Variants in TTLL11 observed in about 807,000 individuals in gnomAD.
The protein encoded by TTLL11 is tubulin polyglutamylase TTLL11.
A neutral mutation model predicts 51.7 loss-of-function variants in TTLL11; 42 were observed. That is an observed-to-expected ratio of 0.81 (90% CI 0.64 to 1.05). The LOEUF is 1.05. TTLL11 is among the 50% of genes least tolerant of loss of function. TTLL11 has a pLI of 0.00. For synonymous variants in TTLL11, 381 were observed against 383.5 expected (o/e 0.99, Z 0.08); for missense variants, 799 against 940.4 (o/e 0.85, Z 1.97).
At chr9:121,848,220 A>G (rs911360070) in intron 8 of TTLL11, among the ~76,000 whole-genome samples, 9 of 152,016 alleles carry the variant, frequency 5.9e-5, no homozygotes, top group African/African-American at 1.7e-4. Flanking sequence ...GGAAAAAAAA[A>G]GAAAAAAAAA....
At chr9:122,056,512 G>A (rs1484524694) in intron 1 of TTLL11, among the ~76,000 whole-genome samples, 1 of 152,132 alleles carries the variant, frequency 6.6e-6, no homozygotes, top group East Asian at 1.9e-4. Flanking sequence ...TCTAGTAAGT[G>A]GCAGAACAAG....
chr9:122,049,807 A>G (rs1845110670), intron 1 of TTLL11, among the ~76,000 whole-genome samples: 2 of 152,220 alleles, frequency 1.3e-5, no homozygotes, highest in Non-Finnish European at 2.9e-5. Context: ...TGATGAAAGC[A>G]CAGTTCACAT....
intron 8 of TTLL11, among the ~76,000 whole-genome samples, chr9:121,824,180 G>A (rs1836674304): frequency 6.6e-6 from 1 of 152,224 alleles, no homozygotes; most frequent in African/African-American, 2.4e-5. Flanking sequence ...CCATCTTACA[G>A]ATTAAGAAAC....
chr9:122,032,109 G>C (rs1588222110), intron 2 of TTLL11, among the ~76,000 whole-genome samples: 1 of 152,240 alleles, frequency 6.6e-6, no homozygotes, highest in South Asian at 2.1e-4. Context: ...TTGAAGGAAT[G>C]AGTTTTCACC....
At chr9:122,037,797 G>A (rs895609187) in intron 2 of TTLL11, among the ~76,000 whole-genome samples, 4 of 152,130 alleles carry the variant, frequency 2.6e-5, no homozygotes, top group East Asian at 1.9e-4. Flanking sequence ...CCAGCAAGCC[G>A]TGTTTCCTGC....
At chr9:121,943,923 A>G (rs915008691) in intron 6 of TTLL11, among the ~76,000 whole-genome samples, 8 of 152,212 alleles carry the variant, frequency 5.3e-5, no homozygotes, top group Non-Finnish European at 1.2e-4. Flanking sequence ...ATTCTATAAG[A>G]CTGCCCATTT....
chr9:122,000,167 C>T (rs1454779130), intron 3 of TTLL11, among the ~76,000 whole-genome samples: 2 of 152,112 alleles, frequency 1.3e-5, no homozygotes, highest in East Asian at 3.9e-4. Context: ...GCACAATATA[C>T]AGGTCATAAA....
rs562597721 is a variant in TTLL11 at position 121,887,061 on chromosome 9, C to T, written c.1482-16313G>A. ...CCAGACCAGGATGATGAGCCTGTCA[C>T]GGTGGGTTTCACAAAACATCTGTTT... is the stretch of plus-strand genomic sequence containing the variant. On this transcript the variant is annotated intron_variant, in intron 6 of 8. Transcript: ENST00000321582. 4.6e-5 allele frequency among the ~76,000 whole-genome samples: 7 copies of T among 152,236 alleles called. No individual in the cohort carries two copies. The South Asian group carries it at 1.2e-3, about 27-fold the overall frequency.
rs1245093976 is a variant in TTLL11 at position 121,891,348 on chromosome 9, C to T, written c.1482-20600G>A. The stretch of plus-strand genomic sequence containing the variant: ...TTGCCCGAGGATCAGAGATCACATA[C>T]GATATGTACAACATCTGCCACCGTG... On this transcript the variant is annotated intron_variant, in intron 6 of 8. Coordinates refer to ENST00000321582, the MANE Select transcript of TTLL11 (RefSeq NM_001139442.2). Among the ~76,000 whole-genome samples, 7 of 152,326 alleles carry T rather than the reference C, an allele frequency of 4.6e-5. No individual in the cohort carries two copies. The East Asian group carries it at 5.8e-4, about 13-fold the overall frequency.
chr9:122,076,152 C>T lies in TTLL11; in HGVS notation c.462+16535G>A, dbSNP rs1006144269. On this transcript the variant is annotated intron_variant, in intron 1 of 8. Coordinates refer to ENST00000321582, the MANE Select transcript of TTLL11 (RefSeq NM_001139442.2). Reference sequence around the variant, plus strand: ...TCTTCCCCATCCACCACCATTCTGTCTGTCCCAGGGCCAACACCTCTCTCC... The same window carrying T: ...TCTTCCCCATCCACCACCATTCTGTTTGTCCCAGGGCCAACACCTCTCTCC... Among the ~76,000 whole-genome samples, 3 of 152,202 alleles carry T rather than the reference C, an allele frequency of 2.0e-5. No individual in the cohort carries two copies. The East Asian group carries it at 5.8e-4, about 29-fold the overall frequency.
chr9:121,825,276 T>A (rs1836716671), intron 8 of TTLL11, among the ~76,000 whole-genome samples: 1 of 152,012 alleles, frequency 6.6e-6, no homozygotes. Flanking sequence ...GTGAGAAGAT[T>A]AGGATCTAAG....
At chr9:122,026,019 C>T (rs1844322889) in intron 3 of TTLL11, among the ~76,000 whole-genome samples, 1 of 152,100 alleles carries the variant, frequency 6.6e-6, no homozygotes, top group Non-Finnish European at 1.5e-5. Context: ...GAAGCCAGAC[C>T]TCCCCCGAAA....
In TTLL11 at chr9:121,862,239, A is replaced by T. The variant is rs140572464; in HGVS notation, c.1734-1796T>A. 8.1e-4 allele frequency among the ~76,000 whole-genome samples: 123 copies of T among 151,824 alleles called. 2 individuals are homozygous for T. The East Asian group carries it at 0.021, about 26-fold the overall frequency. The stretch of plus-strand genomic sequence containing the variant: ...AGTCTGGTATGCCAAAAAGAGCATG[A>T]TTTAGGCATCAGACAGATTAGGATT... On this transcript the variant is annotated intron_variant, in intron 7 of 8. Coordinates refer to ENST00000321582, the MANE Select transcript of TTLL11 (RefSeq NM_001139442.2).
intron 2 of TTLL11, among the ~76,000 whole-genome samples, chr9:122,038,337 C>T (rs1844757078): frequency 6.6e-6 from 1 of 152,108 alleles, no homozygotes; most frequent in Non-Finnish European, 1.5e-5. Flanking sequence ...ATATCCTCTT[C>T]ATTCAGCCAT....
At chr9:122,010,033 T>G (rs1588202286) in intron 3 of TTLL11, among the ~76,000 whole-genome samples, 1 of 152,328 alleles carries the variant, frequency 6.6e-6, no homozygotes, top group East Asian at 1.9e-4. Context: ...ACGTGGTCAT[T>G]AAACCTGTAT....
rs1002006836 is a variant in TTLL11, at chr9:121,995,911, G to A, written c.694-6141C>T. ...TATCCGAACAGACCTCTCAAGCTCC[G>A]TGGTGAGCGCGGGAACCACGGGCCC... On this transcript the variant is annotated intron_variant, in intron 3 of 8. Coordinates refer to ENST00000321582, the MANE Select transcript of TTLL11 (RefSeq NM_001139442.2). The surrounding 1 kb of genome is among the most constrained non-coding windows in gnomAD (Gnocchi z 4.4). Among the ~76,000 whole-genome samples the A allele has an allele frequency of 2.0e-5, 3 of 152,202 alleles. No individual in the cohort carries two copies. Among genetic ancestry groups the A allele is most frequent in the African/African-American group, 4.8e-5 (2 of 41,440 alleles).
At position 121,815,923 on chromosome 9, in the gene TTLL11, CA is replaced by C. The variant is rs1836393139; in HGVS notation, c.*6663del. 6.6e-6 allele frequency: 1 copy of C among 152,210 alleles called. No homozygotes were observed. Among genetic ancestry groups the C allele is most frequent in the African/African-American group, 2.4e-5 (1 of 41,456 alleles). The allele number at this position is 152,210 out of a possible 1,614,324, so 9.4% of individuals were successfully genotyped here. ...CCAGACCTCCAGGAGCCTCCGCTGT[CA>C]GGGGCGTGGAGGTGGGCAGACGTAT... On this transcript the variant is annotated 3_prime_UTR_variant, in exon 9 of 9. Transcript: ENST00000321582.
chr9:121,909,069 T>TA (rs956515415), intron 6 of TTLL11, among the ~76,000 whole-genome samples: 1 of 152,218 alleles, frequency 6.6e-6, no homozygotes, highest in African/African-American at 2.4e-5. Context: ...TCAACTTATT[T>TA]ATCCATCCCT....
intron 8 of TTLL11, among the ~76,000 whole-genome samples, chr9:121,849,647 A>T (rs1190279802): frequency 1.3e-5 from 2 of 152,234 alleles, no homozygotes; most frequent in African/African-American, 4.8e-5. Flanking sequence ...GTATGTAAAG[A>T]TACTCAACAT....
Sources: allele counts gnomAD v4.1 joint callset (sites outside exome capture counted in the v4.1 genomes callset), GRCh38; gene constraint gnomAD v4.1.1; non-coding constraint Gnocchi (gnomAD v3.1); transcripts MANE v1.5; gene names NCBI Gene and HGNC (gene_info 2026-07-23, HGNC 2026-07-21).